Variants in KIF11 observed in about 807,000 individuals in gnomAD.
KIF11 encodes the protein kinesin family member 11, also known as kinesin-like protein KIF11.
A neutral mutation model predicts 121.0 loss-of-function variants in KIF11; 9 were observed. That is an observed-to-expected ratio of 0.07 (90% CI 0.04 to 0.13). The LOEUF (loss-of-function observed/expected upper bound fraction) is 0.13, where lower values mean the gene tolerates loss of function less well. Ranked by LOEUF, KIF11 falls within the 10% of genes least tolerant of loss-of-function variation. The pLI is 1.00. For missense variants in KIF11, 846 were observed against 1,217.5 expected, an observed-to-expected ratio of 0.69 and a Z score of 4.54; for synonymous variants, 408 against 421.0, an observed-to-expected ratio of 0.97 and a Z score of 0.38.
chr10:92,607,309 GCC>G (rs1217553666), intron 4 of KIF11, 72 bp downstream of exon 4: 1 of 870,454 alleles, frequency 1.1e-6, no homozygotes, highest in Non-Finnish European at 1.9e-6. Context: ...TTGTTTGAGG[GCC>G]TCTGTCTTGG....
intron 18 of KIF11, among the ~76,000 whole-genome samples, chr10:92,646,165 G>A (rs1844917273): frequency 6.6e-6 from 1 of 151,996 alleles, no homozygotes. Flanking sequence ...TATTGGCCAG[G>A]CTGGTGTCAA....
rs934398575 is a variant in KIF11, at chr10:92,609,311, T to A, written c.574-74T>A. 7.6e-4 allele frequency: 803 copies of A among 1,053,184 alleles called. 5 individuals carry two copies. The highest frequency in any genetic ancestry group is 1.7e-3 in the African/African-American group (62 of 35,842). 65.2% of individuals were successfully genotyped at this position (1,053,184 alleles called of 1,614,324 possible). ...GAGAGAGAGAGAGAGAGAGTGTGTGTGTGTGTGTGTGTGTGTGTGTGTGTG... is the reference window on the plus strand; with the variant it reads ...GAGAGAGAGAGAGAGAGAGTGTGTGAGTGTGTGTGTGTGTGTGTGTGTGTG... On this transcript the variant is annotated intron_variant, in intron 5 of 21. Transcript: ENST00000260731.
intron 10 of KIF11, among the ~76,000 whole-genome samples, chr10:92,624,570 C>T (rs943378979): frequency 7.2e-5 from 11 of 151,994 alleles, no homozygotes; most frequent in African/African-American, 2.7e-4. Flanking sequence ...GTGTAGTATT[C>T]CATGGTGTAT....
In KIF11 at chr10:92,648,301, T is replaced by G; in HGVS notation, c.2637T>G (p.Ile879Met). 6.2e-7 allele frequency: 1 copy of G among 1,613,008 alleles called. No individual in the cohort carries two copies. Among genetic ancestry groups the G allele is most frequent in the Non-Finnish European group, 8.5e-7 (1 of 1,179,088 alleles). ...CAGCTCATGAGAAACAGCATAACAT[T>G]TTTCTTGATCAGATGACTATTGATG... ...RKAAHEKQHN[I>M]FLDQMTIDED... The change falls in exon 19 of 22, where the codon ATT becomes ATG. Residue 879 changes from isoleucine (I) to methionine (M), a missense_variant. Around this residue, in one of 5 missense-constraint regions of KIF11, gnomAD observed 492 missense variants for 603.4 expected, o/e 0.82. Transcript: ENST00000260731.
intron 11 of KIF11, among the ~76,000 whole-genome samples, chr10:92,629,329 CT>C (rs1280652202): frequency 2.0e-5 from 3 of 151,924 alleles, no homozygotes; most frequent in African/African-American, 7.3e-5. Context: ...TTTGCTGACC[CT>C]TATACTGAAA....
At chr10:92,614,065 CAT>C (rs1479011895) in intron 8 of KIF11, among the ~76,000 whole-genome samples, 36 of 116,568 alleles carry the variant, frequency 3.1e-4, no homozygotes, top group African/African-American at 3.9e-4. Context: ...CACACACACA[CAT>C]ATAGTAGGGA....
intron 10 of KIF11, among the ~76,000 whole-genome samples, chr10:92,624,141 G>A (rs1273762526): frequency 6.6e-6 from 1 of 151,406 alleles, no homozygotes; most frequent in African/African-American, 2.4e-5. Context: ...AGAACGTTTG[G>A]TGTTTGGTTT....
intron 14 of KIF11, 54 bp from the exon 15 acceptor site, chr10:92,637,130 T>C: frequency 7.1e-7 from 1 of 1,412,950 alleles, no homozygotes; most frequent in African/African-American, 1.5e-5. Flanking sequence ...TAGAAAGGTT[T>C]ACAGAAGTGG....
chr10:92,609,179 C>A lies in KIF11; in HGVS notation c.547C>A (p.Gln183Lys). Residue 183 changes from glutamine to lysine, a missense_variant, in exon 5 of 22, where the codon CAG (glutamine) becomes AAG (lysine). By Grantham distance (53) the Gln-to-Lys change is moderately conservative (BLOSUM62 1). Around this residue, in one of 5 missense-constraint regions of KIF11, gnomAD observed 116 missense variants for 285.3 expected, o/e 0.41. Coordinates refer to ENST00000260731, the MANE Select transcript of KIF11 (RefSeq NM_004523.4). ...NPSSDVSERLQMFDDPRNKRG... is the reference protein window; with the variant it reads ...NPSSDVSERLKMFDDPRNKRG... ...ATCATCTGATGTTTCTGAGAGACTA[C>A]AGATGTTTGATGATCCCCGTAACAA... The A allele has an allele frequency of 6.3e-7, 1 of 1,576,272 alleles. No homozygotes were observed.
At chr10:92,630,062 C>T (rs1293998116) in intron 11 of KIF11, 114 bp from the exon 12 acceptor site, 8 of 580,124 alleles carry the variant, frequency 1.4e-5, no homozygotes, top group South Asian at 5.2e-5. Flanking sequence ...GTTAACCTAC[C>T]GGGTAACTTC....
intron 1 of KIF11, among the ~76,000 whole-genome samples, chr10:92,603,263 CTTTTTTTTTT>C (rs368046931): frequency 2.7e-5 from 3 of 109,172 alleles, no homozygotes; most frequent in African/African-American, 3.7e-5. Context: ...CTTTTCTTTT[CTTTTTTTTTT>C]TTTTTTTTTG....
chr10:92,608,083 ACAAAAAAC>A (rs550416122), intron 4 of KIF11, among the ~76,000 whole-genome samples: 3,096 of 151,074 alleles, frequency 0.02, 45 homozygotes, highest in Admixed American at 0.051. Flanking sequence ...AAACAAAAAA[ACAAAAAAC>A]CAAAAAACTA....
At chr10:92,650,110 C>A in intron 20 of KIF11, 124 bp downstream of exon 20, 2 of 700,980 alleles carry the variant, frequency 2.9e-6, no homozygotes, top group Admixed American at 2.9e-5. Context: ...AATGATAGGC[C>A]TAGCCCTTAG....
chr10:92,610,865 A>G (rs1223677507), intron 6 of KIF11, among the ~76,000 whole-genome samples: 3 of 152,232 alleles, frequency 2.0e-5, no homozygotes, highest in Admixed American at 6.5e-5. Flanking sequence ...GATGATTTCA[A>G]AATTTTAATT....
intron 8 of KIF11, among the ~76,000 whole-genome samples, chr10:92,614,069 T>C (rs1423857665): frequency 2.0e-4 from 24 of 118,930 alleles, no homozygotes; most frequent in Middle Eastern, 4.6e-3. Context: ...CACACACATA[T>C]AGTAGGGAAA....
chr10:92,605,875 G>T (rs1044655392), intron 1 of KIF11, among the ~76,000 whole-genome samples: 1 of 152,132 alleles, frequency 6.6e-6, no homozygotes, highest in Non-Finnish European at 1.5e-5. Context: ...GCTGGGCACA[G>T]TGTCTCACTT....
chr10:92,642,818 T>A (rs186390844), intron 17 of KIF11, among the ~76,000 whole-genome samples: 1 of 152,356 alleles, frequency 6.6e-6, no homozygotes, highest in East Asian at 1.9e-4. Context: ...TCTCTTTACT[T>A]TTGGTCTAAG....
In KIF11 at chr10:92,593,137, G is replaced by A; in HGVS notation, c.-239G>A. On this transcript the variant is annotated 5_prime_UTR_variant, in exon 1 of 22. Coordinates refer to ENST00000260731, the MANE Select transcript of KIF11 (RefSeq NM_004523.4). ...GGCGCCGAGTCGTTGCTTAGTTTCT[G>A]GGGATTCGGGCGGAGACGAGATTAG... The A allele has an allele frequency of 2.0e-6, 1 of 490,376 alleles. No homozygotes were observed. The highest frequency in any genetic ancestry group is 5.6e-4 in the Middle Eastern group (1 of 1,798). 30.4% of individuals were successfully genotyped at this position (490,376 alleles called of 1,614,324 possible).
At chr10:92,653,373 A>T (rs137970548) in intron 21 of KIF11, among the ~76,000 whole-genome samples, 71 of 152,342 alleles carry the variant, frequency 4.7e-4, no homozygotes, top group African/African-American at 1.5e-3. Context: ...TGGCAGCAGA[A>T]TCACTCCCTG....
Sources: gnomAD v4.1 joint callset for allele counts (sites outside exome capture counted in the v4.1 genomes callset) on GRCh38, gnomAD v4.1.1 for gene constraint, gnomAD v4.1.1 regional missense constraint, MANE v1.5 for transcripts, NCBI Gene and HGNC (gene_info 2026-07-23, HGNC 2026-07-21) for gene names.